Variants in TMTC2 observed in about 807,000 individuals in gnomAD.
TMTC2 encodes transmembrane O-mannosyltransferase targeting cadherins 2, also known as protein O-mannosyl-transferase TMTC2.
TMTC2 carries 43 observed loss-of-function variants against 82.4 expected under a neutral mutation model. That is an observed-to-expected ratio of 0.52 (90% CI 0.41 to 0.67). The LOEUF (loss-of-function observed/expected upper bound fraction) is 0.67. Ranked by LOEUF, TMTC2 falls within the 30% of genes least tolerant of loss-of-function variation. The pLI is 0.00. For missense variants in TMTC2, 919 were observed against 1,012.4 expected (o/e 0.91, Z 1.25); for synonymous variants, 408 against 381.9 (o/e 1.07, Z -0.80).
intron 3 of TMTC2, among the ~76,000 whole-genome samples, chr12:82,910,882 T>C (rs1013681602): frequency 1.3e-5 from 2 of 151,834 alleles, no homozygotes; most frequent in Non-Finnish European, 2.9e-5. Context: ...TTTTTCTTTT[T>C]TTTTTTTTTA....
At chr12:83,029,862 C>T (rs908555771) in intron 8 of TMTC2, among the ~76,000 whole-genome samples, 2 of 152,098 alleles carry the variant, frequency 1.3e-5, no homozygotes, top group Admixed American at 6.6e-5. Flanking sequence ...TGTATGTAAA[C>T]GTTCACCCCT....
intron 1 of TMTC2, among the ~76,000 whole-genome samples, chr12:82,726,468 TCCACCAGA>T (rs1160746444): frequency 1.3e-3 from 201 of 152,316 alleles, no homozygotes; most frequent in African/African-American, 4.7e-3. Context: ...ATATACTTTC[TCCACCAGA>T]GACTTTTCAG....
intron 1 of TMTC2, among the ~76,000 whole-genome samples, chr12:82,842,304 C>T (rs1043064972): frequency 6.6e-6 from 1 of 152,136 alleles, no homozygotes; most frequent in African/African-American, 2.4e-5. Flanking sequence ...TTTATTGTGT[C>T]TGTTTAGTTA....
chr12:82,913,392 A>G (rs1415305150), intron 3 of TMTC2, among the ~76,000 whole-genome samples: 4 of 152,094 alleles, frequency 2.6e-5, no homozygotes, highest in Non-Finnish European at 5.9e-5. Context: ...GCAGACATTT[A>G]CTTTTGAGGT....
chr12:82,921,376 C>T (rs1019037152), intron 3 of TMTC2, among the ~76,000 whole-genome samples: 40 of 151,940 alleles, frequency 2.6e-4, no homozygotes, highest in Admixed American at 7.2e-4. Context: ...ACTATAGACC[C>T]CAAATGTTTG....
At chr12:82,764,955 C>G (rs866604510) in intron 1 of TMTC2, among the ~76,000 whole-genome samples, 1 of 142,426 alleles carries the variant, frequency 7.0e-6, no homozygotes, top group East Asian at 1.9e-4. Flanking sequence ...CAATCAGATA[C>G]TCATTTGTGT....
intron 2 of TMTC2, among the ~76,000 whole-genome samples, chr12:82,874,458 G>A (rs1872377499): frequency 6.6e-6 from 1 of 152,104 alleles, no homozygotes. Context: ...AATCTGATTG[G>A]AAAGATGGGC....
chr12:82,722,290 CA>C (rs768130360), intron 1 of TMTC2, among the ~76,000 whole-genome samples: 2 of 151,700 alleles, frequency 1.3e-5, no homozygotes, highest in East Asian at 1.9e-4. Context: ...CGCGGTGGCT[CA>C]CTCCTGTAAT....
chr12:82,878,706 A>G (rs1248717727), intron 2 of TMTC2, among the ~76,000 whole-genome samples: 2 of 152,138 alleles, frequency 1.3e-5, no homozygotes, highest in Non-Finnish European at 2.9e-5. Context: ...GCTTTAGAGA[A>G]TTATCATAGA....
At chr12:83,014,727 G>T (rs1187796011) in intron 8 of TMTC2, among the ~76,000 whole-genome samples, 3 of 33,344 alleles carry the variant, frequency 9.0e-5, no homozygotes, top group South Asian at 2.8e-3. Flanking sequence ...GTTAAGAAGA[G>T]AACTTTTTTT....
intron 4 of TMTC2, among the ~76,000 whole-genome samples, chr12:82,933,385 A>G (rs1185563664): frequency 2.0e-5 from 3 of 152,184 alleles, no homozygotes; most frequent in Non-Finnish European, 2.9e-5. Context: ...TTATTTGCAT[A>G]GGTAGAAAAA....
At chr12:82,952,259 C>A (rs1333365477) in intron 4 of TMTC2, among the ~76,000 whole-genome samples, 1 of 152,014 alleles carries the variant, frequency 6.6e-6, no homozygotes, top group African/African-American at 2.4e-5. Flanking sequence ...ATATCTGTGA[C>A]CACTCTGATG....
At chr12:83,089,126 G>A (rs1015129474) in intron 11 of TMTC2, among the ~76,000 whole-genome samples, 3 of 152,142 alleles carry the variant, frequency 2.0e-5, no homozygotes, top group African/African-American at 7.2e-5. Context: ...TTGGTTTGTA[G>A]GAGTCAAATA....
intron 8 of TMTC2, among the ~76,000 whole-genome samples, chr12:82,989,857 C>T (rs1299283130): frequency 1.3e-5 from 2 of 151,724 alleles, no homozygotes; most frequent in Admixed American, 1.3e-4. Flanking sequence ...CCCACCAAGA[C>T]TTTTATAGTT....
chr12:82,763,725 A>G (rs189102254), intron 1 of TMTC2, among the ~76,000 whole-genome samples: 3 of 152,360 alleles, frequency 2.0e-5, no homozygotes, highest in Non-Finnish European at 2.9e-5. Flanking sequence ...AAACAGATCA[A>G]TAGCCACAAA....
At chr12:82,745,645 A>T (rs1056081447) in intron 1 of TMTC2, among the ~76,000 whole-genome samples, 2 of 152,176 alleles carry the variant, frequency 1.3e-5, no homozygotes, top group East Asian at 1.9e-4. Context: ...GGACAAATAG[A>T]TAATAGTGGA....
intron 1 of TMTC2, among the ~76,000 whole-genome samples, chr12:82,797,310 G>T (rs764499512): frequency 2.0e-4 from 31 of 152,232 alleles, no homozygotes; most frequent in Middle Eastern, 3.4e-3. Context: ...CGTGTGGGAG[G>T]CTGTCTTCAC....
At chr12:83,005,206 TAA>T (rs59772281) in intron 8 of TMTC2, among the ~76,000 whole-genome samples, 1 of 36,362 alleles carries the variant, frequency 2.8e-5, no homozygotes, top group Non-Finnish European at 7.1e-5. Context: ...TTTGTCTTAT[TAA>T]AAAAAAAAAA....
At chr12:83,081,424 C>T (rs1283552904) in intron 11 of TMTC2, among the ~76,000 whole-genome samples, 1 of 152,108 alleles carries the variant, frequency 6.6e-6, no homozygotes, top group East Asian at 1.9e-4. Context: ...GATTTGGAAG[C>T]CAGATACTTT....
Sources: gnomAD v4.1 joint callset for allele counts (sites outside exome capture counted in the v4.1 genomes callset) on GRCh38, gnomAD v4.1.1 for gene constraint, MANE v1.5 for transcripts, NCBI Gene and HGNC (gene_info 2026-07-23, HGNC 2026-07-21) for gene names.